The following ATAD1 variants were observed in gnomAD, a reference collection of about 807,000 sequenced individuals.
ATAD1 encodes the protein outer mitochondrial transmembrane helix translocase.
ATAD1 carries 18 observed loss-of-function variants against 42.7 expected under a neutral mutation model. The observed-to-expected ratio is 0.42, with a 90% CI of 0.29 to 0.63. The LOEUF is 0.63. Among genes scored for constraint, ATAD1 ranks in the 20% least tolerant of loss-of-function variants. ATAD1 has a pLI of 0.19. For missense variants in ATAD1, 294 were observed against 440.4 expected, an observed-to-expected ratio of 0.67 and a Z score of 2.98; for synonymous variants, 132 against 143.1, an observed-to-expected ratio of 0.92 and a Z score of 0.55.
In ATAD1 at chr10:87,770,817, T is replaced by C. The variant is rs973783321; in HGVS notation, c.780+135A>G. The C allele has an allele frequency of 1.3e-5, 8 of 611,214 alleles. No individual in the cohort carries two copies. The African/African-American group carries it at 1.5e-4, about 11-fold the overall frequency. 37.9% of individuals were successfully genotyped at this position (611,214 alleles called of 1,614,324 possible). A position where few individuals can be genotyped will look rare whatever the true frequency, so the allele number is the denominator to read the frequency against. The stretch of plus-strand genomic sequence containing the variant: ...AGTGGAAAGGACAAAGAAGCTACTG[T>C]CAGGGTTTCTGCCCCATTCCTTCCC... On this transcript the variant is annotated intron_variant, in intron 7 of 9. Coordinates refer to ENST00000680024, the MANE Select transcript of ATAD1 (RefSeq NM_001321967.2).
chr10:87,766,382 C>T (rs1052887909), intron 8 of ATAD1, among the ~76,000 whole-genome samples: 4 of 152,164 alleles, frequency 2.6e-5, no homozygotes, highest in Middle Eastern at 6.8e-3. Context: ...TCACTAAATT[C>T]CAGAATGTCC....
rs1854105627 is a variant in ATAD1 at position 87,753,728 on chromosome 10, CAAATT to C, written c.*954_*958del. On this transcript the variant is annotated 3_prime_UTR_variant, in exon 10 of 10. Coordinates refer to ENST00000680024, the MANE Select transcript of ATAD1 (RefSeq NM_001321967.2). The stretch of plus-strand genomic sequence containing the variant: ...AAACTATTATTTCATTTTTGGTGAC[CAAATT>C]ATATTTGACCATAATTAAAGAACAC... The C allele has an allele frequency of 6.6e-6, 1 of 152,144 alleles. No individual in the cohort carries two copies. The highest frequency in any genetic ancestry group is 1.5e-5 in the Non-Finnish European group (1 of 67,924). 9.4% of individuals were successfully genotyped at this position (152,144 alleles called of 1,614,324 possible).
rs1377843576 is a variant in ATAD1 at position 87,751,695 on chromosome 10, T to C, written c.*2992A>G. On this transcript the variant is annotated 3_prime_UTR_variant, in exon 10 of 10. Transcript: ENST00000680024. Reference sequence around the variant, plus strand: ...ATAACAAATTTAATAATGAAGGCTCTGAAAGATTTCTGTCAGCTCTAGATG... The same window carrying C: ...ATAACAAATTTAATAATGAAGGCTCCGAAAGATTTCTGTCAGCTCTAGATG... The C allele has an allele frequency of 6.6e-6, 1 of 152,200 alleles. No individual in the cohort carries two copies. 9.4% of individuals were successfully genotyped at this position (152,200 alleles called of 1,614,324 possible).
At chr10:87,792,065 C>T (rs1856149263) in intron 3 of ATAD1, among the ~76,000 whole-genome samples, 2 of 152,162 alleles carry the variant, frequency 1.3e-5, no homozygotes, top group African/African-American at 2.4e-5. Context: ...CAAATGCGTA[C>T]AGAAAAGAGT....
chr10:87,755,998 T>G (rs990766498), intron 9 of ATAD1, among the ~76,000 whole-genome samples: 2 of 152,096 alleles, frequency 1.3e-5, no homozygotes, highest in Admixed American at 1.3e-4. Flanking sequence ...GTTGACAGAG[T>G]AGCTTTCATG....
chr10:87,785,455 A>G (rs541598284), intron 4 of ATAD1, among the ~76,000 whole-genome samples: 1 of 150,682 alleles, frequency 6.6e-6, no homozygotes, highest in South Asian at 2.1e-4. Context: ...TCTGGCACCT[A>G]AACTTAGTAC....
upstream of ATAD1, among the ~76,000 whole-genome samples, chr10:87,820,538 T>C (rs1857612852): frequency 6.6e-6 from 1 of 152,100 alleles, no homozygotes; most frequent in South Asian, 2.1e-4. Context: ...TACAATGAAA[T>C]GGAGTTCCCA....
intron 8 of ATAD1, among the ~76,000 whole-genome samples, chr10:87,758,024 T>C (rs977279843): frequency 2.0e-5 from 3 of 152,112 alleles, no homozygotes; most frequent in African/African-American, 7.2e-5. Flanking sequence ...GCAAAGCAAA[T>C]GGTAAATACA....
chr10:87,818,343 G>A (rs1469992023), upstream of ATAD1: 13 of 834,434 alleles, frequency 1.6e-5, no homozygotes, highest in African/African-American at 1.1e-4. Context: ...AACAGTGAGG[G>A]AGAGCAAATT....
chr10:87,776,255 C>A (rs1855298417), intron 6 of ATAD1, 66 bp downstream of exon 6: 11 of 1,216,842 alleles, frequency 9.0e-6, no homozygotes, highest in Middle Eastern at 1.9e-4. Context: ...TAGTAAGTAG[C>A]CCAGCAAATT....
chr10:87,797,471 G>C (rs1024429195), intron 2 of ATAD1, among the ~76,000 whole-genome samples: 1 of 151,346 alleles, frequency 6.6e-6, no homozygotes, highest in African/African-American at 2.4e-5. Flanking sequence ...TCTAGAGAAG[G>C]TTTCTAATGA....
Position 87,831,608 on chromosome 10 carries a change from G to C in ATAD1, c.-14+9579C>G, listed in dbSNP as rs535657603. ...CACTAGAGTTTGGGTCCTCCATGCTGTACCAGTCACAATTTTGAGGGAGAG... is the reference window on the plus strand; with the variant it reads ...CACTAGAGTTTGGGTCCTCCATGCTCTACCAGTCACAATTTTGAGGGAGAG... On this transcript the variant is annotated intron_variant, in intron 1 of 4. Transcript: ENST00000495903. Among the ~76,000 whole-genome samples the C allele has an allele frequency of 1.1e-4, 16 of 152,226 alleles. No homozygotes were observed. In the East Asian group the frequency reaches 3.1e-3, roughly 29 times the overall value.
intron 5 of ATAD1, 101 bp downstream of exon 5, chr10:87,784,369 T>G: frequency 8.9e-7 from 1 of 1,118,620 alleles, no homozygotes; most frequent in East Asian, 2.6e-5. Context: ...ATGTTCTTTG[T>G]TTTATTAACA....
chr10:87,808,630 T>A (rs1214478890), intron 2 of ATAD1, among the ~76,000 whole-genome samples: 1 of 152,198 alleles, frequency 6.6e-6, no homozygotes, highest in Admixed American at 6.5e-5. Flanking sequence ...TCTAAAACCA[T>A]GAATGAATGC....
Position 87,754,738 on chromosome 10 carries a change from T to A in ATAD1, c.1035A>T (p.Lys345Asn), listed in dbSNP as rs1564735539. The change falls in exon 10 of 10, where the codon AAA becomes AAT. Residue 345 changes from lysine to asparagine, a missense_variant. Transcript: ENST00000680024. ...DLHRAIEKMKKSKDAAFQNVL... is the reference protein window; with the variant it reads ...DLHRAIEKMKNSKDAAFQNVL... ...CATTCTGAAATGCTGCATCCTTTGA[T>A]TTCTTCATCTTTTCAATTGCCCGAT... 6.2e-7 allele frequency: 1 copy of A among 1,613,818 alleles called. No homozygotes were observed. Among genetic ancestry groups the A allele is most frequent in the South Asian group, 1.1e-5 (1 of 91,066 alleles).
At chr10:87,779,812 A>C (rs1269236231) in intron 5 of ATAD1, among the ~76,000 whole-genome samples, 1 of 152,214 alleles carries the variant, frequency 6.6e-6, no homozygotes, top group Non-Finnish European at 1.5e-5. Context: ...AAATCCCCAA[A>C]ATTAATAAAA....
chr10:87,813,838 A>T (rs889252417), intron 2 of ATAD1, among the ~76,000 whole-genome samples: 5 of 152,064 alleles, frequency 3.3e-5, no homozygotes, highest in Admixed American at 2.6e-4. Context: ...AAAGAGCCAG[A>T]AGGGAAAAGC....
At chr10:87,811,471 T>C (rs1423414803) in intron 2 of ATAD1, among the ~76,000 whole-genome samples, 2 of 152,224 alleles carry the variant, frequency 1.3e-5, no homozygotes, top group African/African-American at 4.8e-5. Context: ...CATCTTTCTA[T>C]ACCCTAAATA....
intron 2 of ATAD1, among the ~76,000 whole-genome samples, chr10:87,800,428 C>T (rs1462494492): frequency 1.3e-5 from 2 of 151,932 alleles, no homozygotes; most frequent in African/African-American, 2.4e-5. Context: ...TTGTTATGGC[C>T]TGATGCTAAC....
Sources: gnomAD v4.1 joint callset for allele counts (sites outside exome capture counted in the v4.1 genomes callset) on GRCh38, gnomAD v4.1.1 for gene constraint, MANE v1.5 for transcripts, NCBI Gene and HGNC (gene_info 2026-07-23, HGNC 2026-07-21) for gene names.